INPP5E: variants seen among roughly 807,000 people sequenced by gnomAD.
INPP5E encodes inositol polyphosphate-5-phosphatase E.
INPP5E carries 34 observed loss-of-function variants against 50.5 expected under a neutral mutation model. The observed-to-expected ratio is 0.67, with a 90% CI of 0.51 to 0.90. The LOEUF is 0.90. INPP5E is among the 40% of genes least tolerant of loss of function. The probability of loss-of-function intolerance (pLI) is 0.00; values close to 1 mark genes in which losing one functional copy is unlikely to be tolerated. For missense variants in INPP5E, 942 were observed against 905.5 expected, an observed-to-expected ratio of 1.04 and a Z score of -0.52; for synonymous variants, 447 against 406.0, an observed-to-expected ratio of 1.10 and a Z score of -1.21.
intron 6 of INPP5E, 127 bp downstream of exon 6, chr9:136,432,352 C>T (rs1442853564): frequency 5.6e-6 from 4 of 720,508 alleles, no homozygotes; most frequent in Non-Finnish European, 9.9e-6. Context: ...GCGCTGGGGG[C>T]ACTGGACGTT....
intron 1 of INPP5E, chr9:136,437,380 G>A (rs1049461703): frequency 2.6e-5 from 4 of 152,272 alleles, no homozygotes; most frequent in African/African-American, 9.6e-5. Flanking sequence ...TGGATTTAGG[G>A]TAGGCAGTAA....
At position 136,434,385 on chromosome 9, in the gene INPP5E, C is replaced by T. The variant is rs919255921; in HGVS notation, c.937-251G>A. On this transcript the variant is annotated intron_variant, in intron 2 of 9. Coordinates refer to ENST00000371712, the MANE Select transcript of INPP5E (RefSeq NM_019892.6). ...AACGACCACCCCTGTATGACCCTCC[C>T]GTCACCATGACCCCAGCCCGTGCTG... 2.9e-4 allele frequency among the ~76,000 whole-genome samples: 44 copies of T among 152,334 alleles called. 1 individual carries two copies. The highest frequency in any genetic ancestry group is 9.1e-4 in the African/African-American group (38 of 41,572).
chr9:136,434,271 C>A (rs1835780403), intron 2 of INPP5E, 137 bp from the exon 3 acceptor site: 1 of 667,444 alleles, frequency 1.5e-6, no homozygotes. Context: ...AAAAAGGGAG[C>A]TGCCCGGTCT....
In INPP5E at chr9:136,430,501, GC is replaced by G. The variant is rs2131605101; in HGVS notation, c.1666-89del. Reference sequence around the variant, plus strand: ...GCTCACCTCCCTGCTGTTCTCAAGCGCCCCCCACAAGGAAGCCTTCTGGGAC... The same window carrying G: ...GCTCACCTCCCTGCTGTTCTCAAGCGCCCCCACAAGGAAGCCTTCTGGGAC... On this transcript the variant is annotated intron_variant, in intron 8 of 9. Coordinates refer to ENST00000371712, the MANE Select transcript of INPP5E (RefSeq NM_019892.6). 5 of 1,486,406 alleles carry G rather than the reference GC, an allele frequency of 3.4e-6. 1 individual carries two copies. Among genetic ancestry groups the G allele is most frequent in the Middle Eastern group, 3.5e-4 (2 of 5,774 alleles). The allele number at this position is 1,486,406 out of a possible 1,614,324, so 92.1% of individuals were successfully genotyped here.
In INPP5E at chr9:136,431,972, G is replaced by A. The variant is rs1835718113; in HGVS notation, c.1401C>T (p.Thr467=). 1.2e-6 allele frequency: 2 copies of A among 1,612,424 alleles called. No individual in the cohort carries two copies. The highest frequency in any genetic ancestry group is 2.7e-5 in the African/African-American group (2 of 74,834). ...CAAACCAGAACACCTCATCGAAGCG[G>A]GTGGTGACGTCCGCTGCGGCACAGT... is the stretch of plus-strand genomic sequence containing the variant. ...PYRSSAADVT[T]RFDEVFWFGD... Residue 467 remains threonine, a synonymous_variant, in exon 7 of 10, where the codon ACC becomes ACT. Coordinates refer to ENST00000371712, the MANE Select transcript of INPP5E (RefSeq NM_019892.6).
chr9:136,439,196 G>A lies in INPP5E; in HGVS notation c.224C>T (p.Pro75Leu), dbSNP rs1835927098. Reference protein sequence around the residue: ...ARAAPIAPRPPARPRLERALS... With the variant: ...ARAAPIAPRPLARPRLERALS... ...GGCTCGCTCCAGTCGAGGCCTGGCG[G>A]GGGGCCGCGGGGCGATGGGTGCTGC... Residue 75 changes from proline (P) to leucine (L), a missense_variant, in exon 1 of 10, where the codon CCC (proline) becomes CTC (leucine). Physicochemically the swap from Pro to Leu is moderately conservative, Grantham distance 98 (BLOSUM62 -3). Coordinates refer to ENST00000371712, the MANE Select transcript of INPP5E (RefSeq NM_019892.6). The A allele has an allele frequency of 6.5e-7, 1 of 1,542,332 alleles. No individual in the cohort carries two copies. The highest frequency in any genetic ancestry group is 8.7e-7 in the Non-Finnish European group (1 of 1,149,614).
rs1280449849 is a variant in INPP5E, at chr9:136,439,756, T to G, written c.-337A>C. 1 of 211,698 alleles carries G rather than the reference T, an allele frequency of 4.7e-6. No homozygotes were observed. The highest frequency in any genetic ancestry group is 9.3e-6 in the Non-Finnish European group (1 of 107,552). 13.1% of individuals were successfully genotyped at this position (211,698 alleles called of 1,614,324 possible). ...GGGAAGCGGGCACCCCTGGCTGGGC[T>G]CGCAGACTCCGAAGTCGACCCGGTA... is the stretch of plus-strand genomic sequence containing the variant. On this transcript the variant is annotated 5_prime_UTR_variant, in exon 1 of 10. Transcript: ENST00000371712.
intron 2 of INPP5E, among the ~76,000 whole-genome samples, chr9:136,434,438 G>T (rs1025761259): frequency 6.6e-6 from 1 of 151,230 alleles, no homozygotes; most frequent in Non-Finnish European, 1.5e-5. Context: ...CCACCCCTAC[G>T]CGTGCCCCGC....
In INPP5E at chr9:136,431,083, G is replaced by C. The variant is rs950409881; in HGVS notation, c.1584C>G (p.Ile528Met). 1 of 1,613,110 alleles carries C rather than the reference G, an allele frequency of 6.2e-7. No individual in the cohort carries two copies. The highest frequency in any genetic ancestry group is 1.3e-5 in the African/African-American group (1 of 74,708). The change falls in exon 8 of 10, where the codon ATC (isoleucine) becomes ATG (methionine). Residue 528 changes from isoleucine (I) to methionine (M), a missense_variant. By Grantham distance (10) the Ile-to-Met change is conservative. Transcript: ENST00000371712. ...SIFKGFQEPD[I>M]HFLPSYKFDI... ...CAAACTTGTATGATGGGAGGAAGTG[G>C]ATGTCCGGCTCCTGGAAGCCCTTGA...
chr9:136,433,430 C>T (rs1251366881), intron 3 of INPP5E, 151 bp from the exon 4 acceptor site: 1 of 1,228,852 alleles, frequency 8.1e-7, no homozygotes, highest in African/African-American at 1.5e-5. Flanking sequence ...GCCAGAAGGC[C>T]TGGTGGGCCA....
Position 136,431,852 on chromosome 9 carries a change from G to C in INPP5E, c.1521C>G (p.His507Gln), listed in dbSNP as rs10870188. Residue 507 changes from histidine to glutamine, a missense_variant, in exon 7 of 10, where the codon CAC becomes CAG. By Grantham distance (24) the His-to-Gln change is conservative. Coordinates refer to ENST00000371712, the MANE Select transcript of INPP5E (RefSeq NM_019892.6). ...TCCGCATCTCCCGGATGAGCTGGTC[G>C]TGCTGCAGCAGCGCCGGCACGTCCA... is the stretch of plus-strand genomic sequence containing the variant. ...LVVDVPALLQ[H>Q]DQLIREMRKG... 2.1e-5 allele frequency: 34 copies of C among 1,585,432 alleles called. No homozygotes were observed. The highest frequency in any genetic ancestry group is 2.8e-5 in the African/African-American group (2 of 71,888).
At position 136,434,734 on chromosome 9, in the gene INPP5E, A is replaced by ACT. The variant is rs2131611229; in HGVS notation, c.936+4_936+5dup. 3 of 1,373,968 alleles carry ACT rather than the reference A, an allele frequency of 2.2e-6. No individual in the cohort carries two copies. The highest frequency in any genetic ancestry group is 2.0e-6 in the Non-Finnish European group (2 of 1,023,518). The allele number at this position is 1,373,968 out of a possible 1,614,324, so 85.1% of individuals were successfully genotyped here. On this transcript the variant is annotated splice_donor_region_variant and intron_variant, in intron 2 of 9. Transcript: ENST00000371712. ...TCCCCGCCCAGCACCACCCACAGCC[A>ACT]CTCACCTTCTGGCCCTGCATGTTCC...
intron 3 of INPP5E, 88 bp from the exon 4 acceptor site, chr9:136,433,367 C>G (rs1233466444): frequency 8.8e-6 from 13 of 1,483,072 alleles, no homozygotes; most frequent in Admixed American, 2.2e-5. Flanking sequence ...CCTCGAGGAG[C>G]TACCAGGGAA....
rs1314931041 is a variant in INPP5E at position 136,438,952 on chromosome 9, C to G, written c.468G>C (p.Ser156=). Residue 156 remains serine (S), a synonymous_variant, in exon 1 of 10, where the codon TCG becomes TCC. Coordinates refer to ENST00000371712, the MANE Select transcript of INPP5E (RefSeq NM_019892.6). Reference sequence around the variant, plus strand: ...CCACCCCAGAGAGAGGGTTACCCCCCGAGGACGGGCTCCCTCTCTCACTGC... The same window carrying G: ...CCACCCCAGAGAGAGGGTTACCCCCGGAGGACGGGCTCCCTCTCTCACTGC... The part of the protein sequence containing the change: ...VLSSERGSPS[S]GGNPLSGVAS... 2 of 1,569,738 alleles carry G rather than the reference C, an allele frequency of 1.3e-6. No homozygotes were observed. The highest frequency in any genetic ancestry group is 2.3e-5 in the South Asian group (2 of 86,208).
intron 3 of INPP5E, 48 bp downstream of exon 3, chr9:136,433,989 G>A: frequency 1.4e-6 from 2 of 1,450,872 alleles, no homozygotes; most frequent in Non-Finnish European, 1.9e-6. Flanking sequence ...AGCTGCTTCA[G>A]AGACGGCAGC....
At position 136,432,939 on chromosome 9, in the gene INPP5E, G is replaced by A; in HGVS notation, c.1279+17C>T. On this transcript the variant is annotated intron_variant, in intron 5 of 9. Transcript: ENST00000371712. ...GTTCTCACACAGCACCTGCGGTGCGGGCACCAAGCAACTTACAGGTGAAGT... is the reference window on the plus strand; with the variant it reads ...GTTCTCACACAGCACCTGCGGTGCGAGCACCAAGCAACTTACAGGTGAAGT... 6.2e-7 allele frequency: 1 copy of A among 1,611,644 alleles called. No individual in the cohort carries two copies. Among genetic ancestry groups the A allele is most frequent in the Non-Finnish European group, 8.5e-7 (1 of 1,179,124 alleles).
In INPP5E at chr9:136,438,985, C is replaced by G. The variant is rs369302139; in HGVS notation, c.435G>C (p.Gly145=). 2 of 1,584,356 alleles carry G rather than the reference C, an allele frequency of 1.3e-6. No homozygotes were observed. Among genetic ancestry groups the G allele is most frequent in the African/African-American group, 1.3e-5 (1 of 74,734 alleles). The change falls in exon 1 of 10, where the codon GGG becomes GGC. Residue 145 remains glycine (G), a synonymous_variant. Coordinates refer to ENST00000371712, the MANE Select transcript of INPP5E (RefSeq NM_019892.6). ...TSLQEIPKSR[G]VLSSERGSPS... ...GGCTCCCTCTCTCACTGCTCAGGAC[C>G]CCGCGGGACTTGGGGATTTCCTGCA...
chr9:136,432,151 G>A (rs914749682), intron 6 of INPP5E, among the ~76,000 whole-genome samples, 166 bp from the exon 7 acceptor site: 2 of 152,168 alleles, frequency 1.3e-5, no homozygotes, highest in Non-Finnish European at 2.9e-5. Context: ...GTTCCAGAAG[G>A]CACCTGGAGC....
Position 136,439,021 on chromosome 9 carries a change from C to G in INPP5E, c.399G>C (p.Leu133=), listed in dbSNP as rs1353025697. The change falls in exon 1 of 10, where the codon CTG becomes CTC. Residue 133 remains leucine (L), a synonymous_variant. Coordinates refer to ENST00000371712, the MANE Select transcript of INPP5E (RefSeq NM_019892.6). ...APAHSCSPPC[L]STSLQEIPKS... is the part of the protein sequence containing the mutation. ...TGGGGATTTCCTGCAAGGAGGTGCT[C>G]AGGCAGGGCGGGGAGCAGCTGTGGG... The G allele has an allele frequency of 6.9e-6, 11 of 1,586,128 alleles. No homozygotes were observed. Among genetic ancestry groups the G allele is most frequent in the Non-Finnish European group, 9.4e-6 (11 of 1,167,110 alleles).
Sources: allele counts gnomAD v4.1 joint callset (sites outside exome capture counted in the v4.1 genomes callset), GRCh38; gene constraint gnomAD v4.1.1; transcripts MANE v1.5; gene names NCBI Gene and HGNC (gene_info 2026-07-23, HGNC 2026-07-21).